ASCC3: variants seen among roughly 807,000 people sequenced by gnomAD.
ASCC3 encodes ASC-1 complex subunit P200.
In ASCC3, 158 loss-of-function variants were observed where a neutral mutation model predicts 256.3. The ratio of observed to expected loss-of-function variants is 0.62; its 90% CI spans 0.54 to 0.70. ASCC3 has a LOEUF of 0.70. Among genes scored for constraint, ASCC3 ranks in the 30% least tolerant of loss-of-function variants. The pLI, the probability that ASCC3 is intolerant of heterozygous loss-of-function variation, is 0.00. For synonymous variants in ASCC3, 948 were observed against 883.4 expected (o/e 1.07, Z -1.30); for missense variants, 2,259 against 2,626.0 (o/e 0.86, Z 3.05).
At chr6:100,718,814 T>G (rs1214898406) in intron 11 of ASCC3, among the ~76,000 whole-genome samples, 1 of 152,066 alleles carries the variant, frequency 6.6e-6, no homozygotes, top group East Asian at 1.9e-4. Context: ...TATTTTTAGG[T>G]CACAAAAAAC....
intron 37 of ASCC3, among the ~76,000 whole-genome samples, chr6:100,531,711 TG>T (rs1267419368): frequency 6.6e-6 from 1 of 152,098 alleles, no homozygotes; most frequent in East Asian, 1.9e-4. Flanking sequence ...TTCAGACTCT[TG>T]ATTTCAAAAG....
At chr6:100,585,458 G>A (rs960062786) in intron 36 of ASCC3, among the ~76,000 whole-genome samples, 11 of 151,978 alleles carry the variant, frequency 7.2e-5, no homozygotes, top group Non-Finnish European at 1.0e-4. Flanking sequence ...TCTCTGTATT[G>A]GTTATTCTAG....
chr6:100,753,271 T>C (rs1781020940), intron 10 of ASCC3, among the ~76,000 whole-genome samples: 1 of 150,690 alleles, frequency 6.6e-6, no homozygotes, highest in Admixed American at 6.7e-5. Flanking sequence ...ACCAAGATCA[T>C]TGGCAAGTAG....
chr6:100,853,835 T>G (rs1003600934), intron 3 of ASCC3, among the ~76,000 whole-genome samples: 1 of 152,190 alleles, frequency 6.6e-6, no homozygotes, highest in Non-Finnish European at 1.5e-5. Flanking sequence ...ATTAGCTGAT[T>G]TTTTTGAATC....
At chr6:100,747,975 A>T in intron 10 of ASCC3, among the ~76,000 whole-genome samples, 1 of 152,026 alleles carries the variant, frequency 6.6e-6, no homozygotes, top group East Asian at 1.9e-4. Context: ...AAAAGTCTGA[A>T]ATTTAGGAAT....
chr6:100,764,802 T>G (rs540508027), intron 10 of ASCC3, among the ~76,000 whole-genome samples: 2 of 152,288 alleles, frequency 1.3e-5, no homozygotes, highest in South Asian at 4.1e-4. Flanking sequence ...ACTTGTGGAC[T>G]AGGGCTTCAA....
At chr6:100,821,414 C>G (rs1771036683) in intron 4 of ASCC3, among the ~76,000 whole-genome samples, 1 of 151,754 alleles carries the variant, frequency 6.6e-6, no homozygotes, top group Admixed American at 6.6e-5. Context: ...AACATGTGCA[C>G]AAGTTTGGTT....
chr6:100,758,971 T>C (rs1781311535), intron 10 of ASCC3, among the ~76,000 whole-genome samples: 1 of 152,218 alleles, frequency 6.6e-6, no homozygotes, highest in African/African-American at 2.4e-5. Context: ...GTGGTTTTGA[T>C]TTGCATTTCT....
chr6:100,785,450 G>T (rs1769017958), intron 8 of ASCC3, among the ~76,000 whole-genome samples: 1 of 152,076 alleles, frequency 6.6e-6, no homozygotes, highest in African/African-American at 2.4e-5. Flanking sequence ...GCCCAGGCTG[G>T]AATGCAGTAG....
At chr6:100,824,137 A>G (rs574112031) in intron 4 of ASCC3, among the ~76,000 whole-genome samples, 1 of 152,210 alleles carries the variant, frequency 6.6e-6, no homozygotes, top group Admixed American at 6.5e-5. Context: ...GACAAACCTA[A>G]TTAGATTATG....
chr6:100,798,599 G>A (rs559677233), intron 8 of ASCC3, 114 bp downstream of exon 8: 2 of 1,500,030 alleles, frequency 1.3e-6, no homozygotes, highest in Non-Finnish European at 1.8e-6. Flanking sequence ...AACTATATAT[G>A]TCTGTACTGT....
intron 10 of ASCC3, 146 bp from the exon 11 acceptor site, chr6:100,725,849 C>G (rs1011289344): frequency 3.9e-6 from 3 of 774,610 alleles, no homozygotes; most frequent in Admixed American, 2.4e-5. Flanking sequence ...ATCTAATTTA[C>G]TATAGACAAC....
intron 13 of ASCC3, among the ~76,000 whole-genome samples, chr6:100,713,726 T>TA (rs1314168184): frequency 2.6e-5 from 4 of 152,218 alleles, no homozygotes; most frequent in Admixed American, 2.6e-4. Context: ...ACTGTATTTT[T>TA]AAAAAAACTA....
chr6:100,525,588 T>G lies in ASCC3; in HGVS notation c.5776-7446A>C, dbSNP rs1582388316. The stretch of plus-strand genomic sequence containing the variant: ...TCAACATAGGTACAAGTATTATATA[T>G]CAAGAAAAAAATTTTAAAAAGAAAA... On this transcript the variant is annotated intron_variant, in intron 37 of 41. Coordinates refer to ENST00000369162, the MANE Select transcript of ASCC3 (RefSeq NM_006828.4). Among the ~76,000 whole-genome samples the G allele has an allele frequency of 2.0e-5, 3 of 152,060 alleles. No individual in the cohort carries two copies. In the East Asian group the frequency reaches 5.8e-4, roughly 29 times the overall value.
chr6:100,786,391 T>C (rs374329038), intron 8 of ASCC3, among the ~76,000 whole-genome samples: 1 of 152,164 alleles, frequency 6.6e-6, no homozygotes, highest in Non-Finnish European at 1.5e-5. Flanking sequence ...GAGATGTACA[T>C]TTAAAATGGC....
At chr6:100,672,880 A>G (rs1390709234) in intron 14 of ASCC3, among the ~76,000 whole-genome samples, 2 of 152,110 alleles carry the variant, frequency 1.3e-5, no homozygotes, top group African/African-American at 4.8e-5. Flanking sequence ...TTATATTGAT[A>G]CCCAATGATC....
intron 30 of ASCC3, among the ~76,000 whole-genome samples, chr6:100,617,296 C>T (rs576923892): frequency 6.6e-6 from 1 of 152,170 alleles, no homozygotes; most frequent in Non-Finnish European, 1.5e-5. Flanking sequence ...GCGTGAGCCA[C>T]CGTGCCTGGC....
intron 14 of ASCC3, among the ~76,000 whole-genome samples, chr6:100,673,540 A>G (rs991543777): frequency 4.6e-5 from 7 of 152,170 alleles, no homozygotes; most frequent in African/African-American, 1.7e-4. Context: ...AAAAATAGCT[A>G]CAATCAAAAT....
At chr6:100,832,083 A>T (rs754212016) in intron 4 of ASCC3, among the ~76,000 whole-genome samples, 50 of 152,168 alleles carry the variant, frequency 3.3e-4, no homozygotes, top group Non-Finnish European at 4.6e-4. Context: ...AGGTTCCAAT[A>T]TATCTCTGAT....
Sources: allele counts gnomAD v4.1 joint callset (sites outside exome capture counted in the v4.1 genomes callset), GRCh38; gene constraint gnomAD v4.1.1; transcripts MANE v1.5; gene names NCBI Gene and HGNC (gene_info 2026-07-23, HGNC 2026-07-21).